TCERG1L: variants seen among roughly 807,000 people sequenced by gnomAD.
TCERG1L encodes the protein transcription elongation regulator 1-like protein.
Under a neutral mutation model 56.3 loss-of-function variants are expected in TCERG1L, and 37 were observed. The observed-to-expected ratio is 0.66, with a 90% CI of 0.51 to 0.87. The LOEUF (loss-of-function observed/expected upper bound fraction) is 0.87, where lower values mean the gene tolerates loss of function less well. Among genes scored for constraint, TCERG1L ranks in the 40% least tolerant of loss-of-function variants. The pLI, the probability that TCERG1L is intolerant of heterozygous loss-of-function variation, is 0.00. For synonymous variants in TCERG1L, 324 were observed against 326.3 expected, an observed-to-expected ratio of 0.99 and a Z score of 0.08; for missense variants, 799 against 774.2, an observed-to-expected ratio of 1.03 and a Z score of -0.38.
chr10:131,200,181 C>T (rs1380427912), intron 4 of TCERG1L, among the ~76,000 whole-genome samples: 2 of 152,210 alleles, frequency 1.3e-5, no homozygotes, highest in Admixed American at 1.3e-4. Flanking sequence ...GCTGCATTCA[C>T]ATGTTGGGTA....
rs1186158323 is a variant in TCERG1L, at chr10:131,118,798, T to C, written c.1260-1864A>G. On this transcript the variant is annotated intron_variant, in intron 8 of 11. Transcript: ENST00000368642. This position sits in a 1 kb window ranked among gnomAD's most constrained non-coding sequence, Gnocchi z 4.2. Reference sequence around the variant, plus strand: ...TATAATCTGTTTTTACGGCTTTAACTACTGTCCAGTTCTGGTTTTGACGAT... The same window carrying C: ...TATAATCTGTTTTTACGGCTTTAACCACTGTCCAGTTCTGGTTTTGACGAT... Among the ~76,000 whole-genome samples the C allele has an allele frequency of 1.3e-5, 2 of 152,200 alleles. No individual in the cohort carries two copies. The highest frequency in any genetic ancestry group is 6.5e-5 in the Admixed American group (1 of 15,288).
At chr10:131,301,333 A>G in intron 3 of TCERG1L, among the ~76,000 whole-genome samples, 1 of 152,066 alleles carries the variant, frequency 6.6e-6, no homozygotes, top group East Asian at 1.9e-4. Context: ...ATGTATCCAG[A>G]TTATAATTAT....
Position 131,267,638 on chromosome 10 carries a change from G to C in TCERG1L, c.671-7194C>G, listed in dbSNP as rs1212478238. On this transcript the variant is annotated intron_variant, in intron 3 of 11. Coordinates refer to ENST00000368642, the MANE Select transcript of TCERG1L (RefSeq NM_174937.4). This position sits in a 1 kb window ranked among gnomAD's most constrained non-coding sequence, Gnocchi z 4.9. The stretch of plus-strand genomic sequence containing the variant: ...GCTGCAACTTTGGCCGGGTGCTTAT[G>C]GGCTCCCAGGACATGGCAGAGTGTG... Among the ~76,000 whole-genome samples the C allele has an allele frequency of 6.6e-6, 1 of 152,240 alleles. No homozygotes were observed. Among genetic ancestry groups the C allele is most frequent in the Non-Finnish European group, 1.5e-5 (1 of 68,046 alleles).
At chr10:131,168,065 A>G (rs1335871193) in intron 4 of TCERG1L, among the ~76,000 whole-genome samples, 1 of 152,200 alleles carries the variant, frequency 6.6e-6, no homozygotes, top group Non-Finnish European at 1.5e-5. Flanking sequence ...AGAGCTCAAG[A>G]CTGGGCAGTG....
chr10:131,146,652 A>G lies in TCERG1L; in HGVS notation c.1043T>C (p.Val348Ala). ...TPVPGSPWCV[V>A]WTGDDRVFFF... is the part of the protein sequence containing the mutation. ...GAAAACTCGGTCATCGCCCGTCCAG[A>G]CCACACACCTGTTTGAGTGGAAAAA... Residue 348 changes from valine (V) to alanine (A), a missense_variant, in exon 7 of 12, where the codon GTC (valine) becomes GCC (alanine). By Grantham distance (64) the Val-to-Ala change is moderately conservative. Transcript: ENST00000368642. 1 of 1,611,248 alleles carries G rather than the reference A, an allele frequency of 6.2e-7. No homozygotes were observed. The highest frequency in any genetic ancestry group is 1.1e-5 in the South Asian group (1 of 90,740).
chr10:131,163,332 TAATGAC>T, intron 5 of TCERG1L, 122 bp from the exon 6 acceptor site: 2 of 749,224 alleles, frequency 2.7e-6, no homozygotes, highest in South Asian at 4.0e-5. Context: ...AGCCACGAGA[TAATGAC>T]CTCAGCACGG....
At chr10:131,115,484 C>A (rs79313703) in intron 9 of TCERG1L, among the ~76,000 whole-genome samples, 1 of 152,140 alleles carries the variant, frequency 6.6e-6, no homozygotes, top group African/African-American at 2.4e-5. Flanking sequence ...AACACCCAGG[C>A]GTCCACATCG....
chr10:131,218,906 C>T (rs1026625345), intron 4 of TCERG1L, among the ~76,000 whole-genome samples: 1 of 152,074 alleles, frequency 6.6e-6, no homozygotes, highest in African/African-American at 2.4e-5. Flanking sequence ...TCCCTGGCAG[C>T]GACCTCCAAC....
intron 4 of TCERG1L, among the ~76,000 whole-genome samples, chr10:131,184,853 G>A (rs1845219075): frequency 6.6e-6 from 1 of 152,214 alleles, no homozygotes; most frequent in African/African-American, 2.4e-5. Flanking sequence ...AGGTCCTTTA[G>A]CCATGAGGCA....
At chr10:131,248,235 ACAC>A (rs887761914) in intron 4 of TCERG1L, among the ~76,000 whole-genome samples, 3 of 148,414 alleles carry the variant, frequency 2.0e-5, no homozygotes, top group African/African-American at 2.5e-5. Flanking sequence ...ACTCACACAC[ACAC>A]GACTCACACA....
intron 9 of TCERG1L, among the ~76,000 whole-genome samples, chr10:131,114,205 A>G (rs1197927910): frequency 7.0e-6 from 1 of 142,398 alleles, no homozygotes; most frequent in Admixed American, 6.9e-5. Flanking sequence ...AAATGCAATA[A>G]CAAATCTTAT....
chr10:131,116,321 G>C (rs573155045), intron 9 of TCERG1L, among the ~76,000 whole-genome samples: 7 of 152,188 alleles, frequency 4.6e-5, no homozygotes, highest in Non-Finnish European at 1.0e-4. Context: ...TAACCCCATG[G>C]GGAAGCTAAA....
intron 3 of TCERG1L, among the ~76,000 whole-genome samples, chr10:131,303,424 CTTT>C (rs1012852853): frequency 1.6e-4 from 24 of 152,042 alleles, no homozygotes; most frequent in African/African-American, 5.1e-4. Context: ...TAAATGTCTT[CTTT>C]TGAGAAGTGT....
At chr10:131,276,925 G>A (rs1050236531) in intron 3 of TCERG1L, among the ~76,000 whole-genome samples, 9 of 152,182 alleles carry the variant, frequency 5.9e-5, no homozygotes, top group South Asian at 4.1e-4. Context: ...ATGAATATGC[G>A]CAGTATTGGA....
chr10:131,287,701 G>T (rs902220661), intron 3 of TCERG1L, among the ~76,000 whole-genome samples: 5 of 152,134 alleles, frequency 3.3e-5, no homozygotes, highest in African/African-American at 1.2e-4. Flanking sequence ...CTATGGGAAC[G>T]GTCTAAATAG....
chr10:131,245,101 G>A (rs1022150072), intron 4 of TCERG1L, among the ~76,000 whole-genome samples: 7 of 152,194 alleles, frequency 4.6e-5, no homozygotes, highest in African/African-American at 1.2e-4. Context: ...CCCTGCCCCC[G>A]GCCACAGATC....
intron 3 of TCERG1L, among the ~76,000 whole-genome samples, chr10:131,273,477 A>C (rs1002473637): frequency 2.2e-4 from 34 of 152,216 alleles, no homozygotes; most frequent in African/African-American, 8.2e-4. Flanking sequence ...CAAAACGCCA[A>C]GGAAAAGTTT....
At chr10:131,282,545 A>C (rs1300118595) in intron 3 of TCERG1L, among the ~76,000 whole-genome samples, 1 of 152,226 alleles carries the variant, frequency 6.6e-6, no homozygotes, top group African/African-American at 2.4e-5. Flanking sequence ...TAACTTACTA[A>C]TACAAGTTAA....
At chr10:131,148,693 G>GGGCTGGAGAAAGGAATCACA (rs145048569) in intron 6 of TCERG1L, among the ~76,000 whole-genome samples, 1 of 152,162 alleles carries the variant, frequency 6.6e-6, no homozygotes. Flanking sequence ...AAGGAATCAC[G>GGGCTGGAGAAAGGAATCACA]AGCTCAGGGT....
Sources: gnomAD v4.1 joint callset for allele counts (sites outside exome capture counted in the v4.1 genomes callset) on GRCh38, gnomAD v4.1.1 for gene constraint, Gnocchi (gnomAD v3.1) non-coding constraint, MANE v1.5 for transcripts, NCBI Gene and HGNC (gene_info 2026-07-23, HGNC 2026-07-21) for gene names.